DGKZ: variants seen among roughly 807,000 people sequenced by gnomAD.
The protein encoded by DGKZ is DAG kinase zeta.
In DGKZ, 45 loss-of-function variants were observed where a neutral mutation model predicts 142.5. That is an observed-to-expected ratio of 0.32 (90% CI 0.25 to 0.40). The LOEUF is 0.40. Among genes scored for constraint, DGKZ ranks in the 10% least tolerant of loss-of-function variants. The pLI, the probability that DGKZ is intolerant of heterozygous loss-of-function variation, is 1.00. For missense variants in DGKZ, 755 were observed against 1,306.5 expected, an observed-to-expected ratio of 0.58 and a Z score of 6.51; for synonymous variants, 442 against 527.0, an observed-to-expected ratio of 0.84 and a Z score of 2.21.
rs926737607 is a variant in DGKZ at position 46,378,323 on chromosome 11, A to G, written c.2374+94A>G. 1.9e-6 allele frequency: 3 copies of G among 1,543,314 alleles called. No individual in the cohort carries two copies. The African/African-American group carries it at 4.1e-5, about 21-fold the overall frequency. ...ATAGGGCCCAGACACAGCCTTACACAAACACAGCCTTTGAGCTTCACGCAC... is the reference window on the plus strand; with the variant it reads ...ATAGGGCCCAGACACAGCCTTACACGAACACAGCCTTTGAGCTTCACGCAC... On this transcript the variant is annotated intron_variant, in intron 26 of 30. Coordinates refer to ENST00000527911, the Ensembl canonical transcript of DGKZ.
At chr11:46,366,554 G>A in intron 1 of DGKZ, 1 of 1,602,184 alleles carries the variant, frequency 6.2e-7, no homozygotes. Context: ...TACCACCGTG[G>A]GGGCCCAGCT....
rs1004469706 is a variant in DGKZ, at chr11:46,372,566, G to C, written c.1011-51G>C. 1 of 1,613,682 alleles carries C rather than the reference G, an allele frequency of 6.2e-7. No individual in the cohort carries two copies. The highest frequency in any genetic ancestry group is 1.3e-5 in the African/African-American group (1 of 74,910). On this transcript the variant is annotated intron_variant, in intron 11 of 30. Coordinates refer to ENST00000527911, the Ensembl canonical transcript of DGKZ. This position sits in a 1 kb window ranked among gnomAD's most constrained non-coding sequence, Gnocchi z 5.9. ...ATGGGGGGGAACTTGCCTCACTCCT[G>C]GGGTACAGCACACATCCCCTGACCC...
At chr11:46,371,999 C>T (rs1943999126) in intron 9 of DGKZ, 76 bp from the exon 10 acceptor site, 1 of 1,425,454 alleles carries the variant, frequency 7.0e-7, no homozygotes, top group Middle Eastern at 2.3e-4. Context: ...ACAAAGTCAC[C>T]CAGGGGGCCT....
At chr11:46,336,954 G>A (rs1282352679) in intron 1 of DGKZ, among the ~76,000 whole-genome samples, 1 of 152,130 alleles carries the variant, frequency 6.6e-6, no homozygotes, top group Admixed American at 6.6e-5. Flanking sequence ...ACAAGAATTC[G>A]AGGCTGCGGT....
chr11:46,378,670 T>C (rs749933936), intron 27 of DGKZ, 170 bp downstream of exon 27: 2 of 982,594 alleles, frequency 2.0e-6, no homozygotes, highest in South Asian at 2.8e-5. Context: ...TGTATCTCTG[T>C]CTAGGCCACA....
chr11:46,370,104 C>G (rs1943782136), intron 6 of DGKZ, 95 bp downstream of exon 6: 2 of 1,488,800 alleles, frequency 1.3e-6, no homozygotes, highest in African/African-American at 2.8e-5. Context: ...TGACCACACC[C>G]TGGTGTGCAG....
chr11:46,333,514 C>A (rs767563675), intron 1 of DGKZ: 2 of 1,535,348 alleles, frequency 1.3e-6, no homozygotes, highest in African/African-American at 1.4e-5. Context: ...CAGAGGGGAG[C>A]GCGGCGCTTG....
chr11:46,363,164 G>C (rs958757080), intron 1 of DGKZ, among the ~76,000 whole-genome samples: 2 of 152,222 alleles, frequency 1.3e-5, no homozygotes, highest in African/African-American at 4.8e-5. Flanking sequence ...TTAGGCCCAG[G>C]GCGGGCTCCA....
upstream of DGKZ, chr11:46,345,576 C>T: frequency 6.6e-7 from 1 of 1,524,724 alleles, no homozygotes. The surrounding 1 kb of genome is among the most constrained non-coding windows in gnomAD (Gnocchi z 4.1). Flanking sequence ...TCAGAGGCAC[C>T]CCAGACACAG....
rs1207179694 is a variant in DGKZ at position 46,367,525 on chromosome 11, C to A, written c.270+126C>A. The A allele has an allele frequency of 7.8e-7, 1 of 1,276,916 alleles. No individual in the cohort carries two copies. The highest frequency in any genetic ancestry group is 1.1e-6 in the Non-Finnish European group (1 of 938,344). 79.1% of individuals were successfully genotyped at this position (1,276,916 alleles called of 1,614,324 possible). On this transcript the variant is annotated intron_variant, in intron 2 of 30. Coordinates refer to ENST00000527911, the Ensembl canonical transcript of DGKZ. This position sits in a 1 kb window ranked among gnomAD's most constrained non-coding sequence, Gnocchi z 4.1. ...GGAAGGGTTGGGACAGTGGGGCAGA[C>A]GGAACAGAGCAGGGTCGATCGGGGC...
upstream of DGKZ, among the ~76,000 whole-genome samples, chr11:46,344,262 GT>G (rs1564994530): frequency 6.6e-6 from 1 of 152,000 alleles, no homozygotes; most frequent in Non-Finnish European, 1.5e-5. Context: ...TAGATTGTTT[GT>G]TTCCTGAATG....
chr11:46,374,508 G>T (rs911870608), intron 16 of DGKZ, 54 bp downstream of exon 16: 24 of 1,613,296 alleles, frequency 1.5e-5, no homozygotes, highest in Non-Finnish European at 1.9e-5. Context: ...ACCCGTGCCC[G>T]TGCCCACCTG....
intron 6 of DGKZ, 142 bp downstream of exon 6, chr11:46,370,151 T>C: frequency 9.9e-7 from 1 of 1,006,110 alleles, no homozygotes; most frequent in Non-Finnish European, 1.5e-6. Flanking sequence ...TGCAGTGCCT[T>C]CAGTTCTCAA....
At chr11:46,341,911 G>T (rs1940296107) in intron 1 of DGKZ, among the ~76,000 whole-genome samples, 1 of 152,188 alleles carries the variant, frequency 6.6e-6, no homozygotes, top group Non-Finnish European at 1.5e-5. Flanking sequence ...CCTGGACAAA[G>T]AGGCGGAAAA....
intron 4 of DGKZ, 119 bp downstream of exon 4, chr11:46,368,198 G>T: frequency 9.2e-7 from 1 of 1,086,786 alleles, no homozygotes; most frequent in Non-Finnish European, 1.4e-6. Context: ...GCACTCGGGG[G>T]TGAAGAGTCA....
At chr11:46,364,871 G>T in intron 1 of DGKZ, 1 of 985,402 alleles carries the variant, frequency 1.0e-6, no homozygotes, top group Non-Finnish European at 1.2e-6. Context: ...ACTGTCCCAG[G>T]GCTGTGACCT....
At chr11:46,358,192 C>G (rs1942255961) in intron 1 of DGKZ, among the ~76,000 whole-genome samples, 1 of 152,170 alleles carries the variant, frequency 6.6e-6, no homozygotes, top group Non-Finnish European at 1.5e-5. Context: ...CAACGCGAAT[C>G]TAGGCAGGGG....
intron 25 of DGKZ, chr11:46,377,891 A>G (rs1427042885): frequency 4.4e-6 from 2 of 453,356 alleles, no homozygotes; most frequent in East Asian, 4.6e-5. Context: ...TGGAGAGATC[A>G]CTCCCAGGAC....
intron 19 of DGKZ, 104 bp downstream of exon 19, chr11:46,375,149 C>T (rs1944397226): frequency 3.6e-6 from 4 of 1,109,010 alleles, no homozygotes; most frequent in African/African-American, 1.6e-5. Flanking sequence ...TCACCCTCAC[C>T]TCCCTTCTTT....
Sources: gnomAD v4.1 joint callset for allele counts (sites outside exome capture counted in the v4.1 genomes callset) on GRCh38, gnomAD v4.1.1 for gene constraint, Gnocchi (gnomAD v3.1) non-coding constraint, MANE v1.5 for transcripts, NCBI Gene and HGNC (gene_info 2026-07-23, HGNC 2026-07-21) for gene names.